SNX25: variants seen among roughly 807,000 people sequenced by gnomAD.
SNX25 encodes sorting nexin 25.
SNX25 carries 62 observed loss-of-function variants against 113.7 expected under a neutral mutation model. The ratio of observed to expected loss-of-function variants is 0.55; its 90% CI spans 0.44 to 0.67. The LOEUF is 0.67. Ranked by LOEUF, SNX25 falls within the 30% of genes least tolerant of loss-of-function variation. SNX25 has a pLI of 0.00. For missense variants in SNX25, 1,014 were observed against 1,161.0 expected, an observed-to-expected ratio of 0.87 and a Z score of 1.84; for synonymous variants, 421 against 436.2, an observed-to-expected ratio of 0.97 and a Z score of 0.43.
At chr4:185,303,376 G>T (rs983366130) in intron 6 of SNX25, among the ~76,000 whole-genome samples, 2 of 152,088 alleles carry the variant, frequency 1.3e-5, no homozygotes, top group African/African-American at 4.8e-5. Context: ...ATTAAACGAA[G>T]GTGCAGGGCG....
chr4:185,302,861 G>T (rs1753909140), intron 6 of SNX25, among the ~76,000 whole-genome samples: 1 of 152,168 alleles, frequency 6.6e-6, no homozygotes, highest in African/African-American at 2.4e-5. Flanking sequence ...TACCTCCAGT[G>T]CCTGCTGTCC....
intron 16 of SNX25, among the ~76,000 whole-genome samples, chr4:185,359,845 G>A (rs947105804): frequency 3.9e-5 from 6 of 152,088 alleles, no homozygotes; most frequent in Admixed American, 1.3e-4. Flanking sequence ...TGCATACATC[G>A]GGCAGTAATT....
At chr4:185,213,353 C>T (rs1029447347) in intron 1 of SNX25, among the ~76,000 whole-genome samples, 2 of 152,172 alleles carry the variant, frequency 1.3e-5, no homozygotes, top group African/African-American at 4.8e-5. Flanking sequence ...AAATAATTTT[C>T]ATCTCAGATA....
At chr4:185,348,173 T>G (rs1408005950) in intron 13 of SNX25, among the ~76,000 whole-genome samples, 3 of 152,230 alleles carry the variant, frequency 2.0e-5, no homozygotes, top group Non-Finnish European at 4.4e-5. Flanking sequence ...ATTCAGAGTA[T>G]AATTGTTAAT....
intron 9 of SNX25, among the ~76,000 whole-genome samples, chr4:185,325,126 G>C (rs925403560): frequency 2.0e-5 from 3 of 152,138 alleles, no homozygotes; most frequent in African/African-American, 7.2e-5. Flanking sequence ...TTTTTCAGCA[G>C]TGTCTCTTAC....
At chr4:185,368,245 G>C (rs1208573858), downstream of SNX25, among the ~76,000 whole-genome samples, 2 of 152,194 alleles carry the variant, frequency 1.3e-5, no homozygotes, top group Non-Finnish European at 2.9e-5. Context: ...ATCCTCGAAG[G>C]GTCCTAACAG....
intron 5 of SNX25, among the ~76,000 whole-genome samples, chr4:185,274,163 C>T (rs758252436): frequency 2.0e-5 from 3 of 151,160 alleles, no homozygotes; most frequent in Non-Finnish European, 2.9e-5. Flanking sequence ...CGGGTTCAAA[C>T]GATTCTTCTG....
At chr4:185,354,938 G>A (rs2095332644) in intron 15 of SNX25, among the ~76,000 whole-genome samples, 1 of 152,236 alleles carries the variant, frequency 6.6e-6, no homozygotes, top group African/African-American at 2.4e-5. Flanking sequence ...CAGCCAAATA[G>A]TGCAGCGTCC....
intron 1 of SNX25, among the ~76,000 whole-genome samples, chr4:185,241,639 C>G (rs1172250415): frequency 4.6e-5 from 7 of 151,220 alleles, no homozygotes; most frequent in Non-Finnish European, 2.9e-5. Flanking sequence ...TCACCAAGAG[C>G]TTTTATGAGT....
intron 1 of SNX25, chr4:185,204,588 A>G (rs1737104716): frequency 6.6e-6 from 1 of 152,290 alleles, no homozygotes; most frequent in Non-Finnish European, 1.5e-5. Flanking sequence ...TGCACCTCCT[A>G]GTCCCCACAA....
At chr4:185,341,019 T>C (rs1490981785) in intron 11 of SNX25, among the ~76,000 whole-genome samples, 1 of 152,142 alleles carries the variant, frequency 6.6e-6, no homozygotes, top group East Asian at 1.9e-4. Context: ...TACAGTGGGG[T>C]GGTAATCCTG....
At position 185,287,211 on chromosome 4, in the gene SNX25, A is replaced by G. The variant is rs78800573; in HGVS notation, c.1092-801A>G. Among the ~76,000 whole-genome samples the G allele has an allele frequency of 2.1e-3, 327 of 152,328 alleles. 9 individuals are homozygous for G. The East Asian group carries it at 0.052, about 24-fold the overall frequency. ...ACTCCAGGGTTGTACTCAGCACTTA[A>G]AATGTAGAATTATGTTTATTTTTCC... On this transcript the variant is annotated intron_variant, in intron 5 of 18. Transcript: ENST00000652585.
chr4:185,345,053 G>C (rs2095278877), intron 12 of SNX25, among the ~76,000 whole-genome samples: 1 of 152,146 alleles, frequency 6.6e-6, no homozygotes, highest in Non-Finnish European at 1.5e-5. Flanking sequence ...AGAGTTGAGG[G>C]AAAATTTTGA....
At chr4:185,276,410 C>T (rs1749683766) in intron 5 of SNX25, among the ~76,000 whole-genome samples, 1 of 152,172 alleles carries the variant, frequency 6.6e-6, no homozygotes, top group Admixed American at 6.5e-5. Context: ...TGAGAAGCTC[C>T]AATAAATAAC....
intron 6 of SNX25, among the ~76,000 whole-genome samples, chr4:185,309,544 C>G (rs1324182466): frequency 6.6e-6 from 1 of 152,190 alleles, no homozygotes; most frequent in Admixed American, 6.5e-5. Context: ...TAATTGGCCC[C>G]ACCATCCCTC....
At chr4:185,374,890 C>T (rs117320438), downstream of SNX25, among the ~76,000 whole-genome samples, 1 of 152,090 alleles carries the variant, frequency 6.6e-6, no homozygotes, top group East Asian at 1.9e-4. Flanking sequence ...CTAACAAACA[C>T]CGTCTTCCAT....
intron 6 of SNX25, among the ~76,000 whole-genome samples, chr4:185,291,306 C>A (rs948524734): frequency 1.3e-5 from 2 of 152,138 alleles, no homozygotes; most frequent in Non-Finnish European, 2.9e-5. Context: ...CACCCATCTC[C>A]GGAACTTTTC....
chr4:185,261,118 G>C (rs924565178), intron 3 of SNX25, among the ~76,000 whole-genome samples: 47 of 90,022 alleles, frequency 5.2e-4, no homozygotes, highest in South Asian at 1.8e-3. Context: ...CTGTCTCTGT[G>C]TGTGTGTGTG....
chr4:185,241,244 G>C (rs950509879), intron 1 of SNX25, among the ~76,000 whole-genome samples: 1 of 152,208 alleles, frequency 6.6e-6, no homozygotes, highest in African/African-American at 2.4e-5. Context: ...AGGAGGCCGA[G>C]GCTGGCGGAT....
Sources: allele counts gnomAD v4.1 joint callset (sites outside exome capture counted in the v4.1 genomes callset), GRCh38; gene constraint gnomAD v4.1.1; transcripts MANE v1.5; gene names NCBI Gene and HGNC (gene_info 2026-07-23, HGNC 2026-07-21).